SAMD12: variants seen among roughly 807,000 people sequenced by gnomAD.
SAMD12 encodes the protein sterile alpha motif domain containing 12, also known as sterile alpha motif domain-containing protein 12.
SAMD12 carries 9 observed loss-of-function variants against 15.0 expected under a neutral mutation model. That is an observed-to-expected ratio of 0.60 (90% CI 0.36 to 1.05). The LOEUF (loss-of-function observed/expected upper bound fraction) is 1.05. Among genes scored for constraint, SAMD12 ranks in the 50% least tolerant of loss-of-function variants. SAMD12 has a pLI of 0.01. For synonymous variants in SAMD12, 86 were observed against 90.1 expected (o/e 0.96, Z 0.25); for missense variants, 230 against 234.2 (o/e 0.98, Z 0.12).
At chr8:118,619,892 C>A (rs1389939011) in intron 1 of SAMD12, among the ~76,000 whole-genome samples, 2 of 152,066 alleles carry the variant, frequency 1.3e-5, no homozygotes, top group African/African-American at 4.8e-5. Flanking sequence ...AGGGACTGGT[C>A]CAGGCTGATA....
intron 4 of SAMD12, among the ~76,000 whole-genome samples, chr8:118,311,934 G>A (rs904637233): frequency 6.6e-6 from 1 of 152,102 alleles, no homozygotes; most frequent in East Asian, 1.9e-4. Flanking sequence ...CTCACACTCA[G>A]TAGGTCCAAA....
chr8:118,532,371 T>C (rs1434538906), intron 2 of SAMD12, among the ~76,000 whole-genome samples: 1 of 149,266 alleles, frequency 6.7e-6, no homozygotes, highest in Admixed American at 6.8e-5. Context: ...GTATCAATGT[T>C]CATCAGGAAT....
In SAMD12 at chr8:118,229,195, G is replaced by A. The variant is rs183906278; in HGVS notation, c.434-31463C>T. On this transcript the variant is annotated intron_variant, in intron 4 of 4. Coordinates refer to the SAMD12 transcript ENST00000409003. The stretch of plus-strand genomic sequence containing the variant: ...AAATATGGTGCAGTGTATACTGCTT[G>A]GGTGATGGGTGCGCCAAAATCACAA... Among the ~76,000 whole-genome samples, 362 of 152,030 alleles carry A rather than the reference G, an allele frequency of 2.4e-3. 3 individuals are homozygous for A. The highest frequency in any genetic ancestry group is 8.3e-3 in the African/African-American group (345 of 41,476).
intron 1 of SAMD12, among the ~76,000 whole-genome samples, chr8:118,591,449 CAT>C (rs1297642924): frequency 6.6e-6 from 1 of 152,132 alleles, no homozygotes; most frequent in Admixed American, 6.5e-5. Context: ...AGAAATAACA[CAT>C]ATAAAATTCT....
rs547808488 is a variant in SAMD12, at chr8:118,571,726, T to C, written c.192+8989A>G. Among the ~76,000 whole-genome samples the C allele has an allele frequency of 8.9e-4, 136 of 152,028 alleles. 2 individuals are homozygous for C. The highest frequency in any genetic ancestry group is 8.8e-3 in the Admixed American group (135 of 15,274). ...TTTAGAGCCTGCCAGTACACAGGAG[T>C]CAAGAATTGGGGTCTGAGAACCTAG... On this transcript the variant is annotated intron_variant, in intron 2 of 3. Transcript: ENST00000314727.
chr8:118,404,341 TATCTGCAATAA>T (rs1821020267), intron 3 of SAMD12, among the ~76,000 whole-genome samples: 1 of 152,194 alleles, frequency 6.6e-6, no homozygotes, highest in Non-Finnish European at 1.5e-5. Flanking sequence ...TGTGCTTTGA[TATCTGCAATAA>T]TTTTGCAAAA....
intron 4 of SAMD12, among the ~76,000 whole-genome samples, chr8:118,200,871 G>A (rs1819696465): frequency 6.6e-6 from 1 of 152,126 alleles, no homozygotes; most frequent in Admixed American, 6.5e-5. Context: ...TCAGGCTGGG[G>A]TGCAGTGGCA....
chr8:118,573,754 G>A (rs1827080409), intron 2 of SAMD12, among the ~76,000 whole-genome samples: 1 of 152,166 alleles, frequency 6.6e-6, no homozygotes, highest in African/African-American at 2.4e-5. Flanking sequence ...GCTCACTTGT[G>A]GAGGAGCTAA....
At chr8:118,586,900 A>G (rs1827463907) in intron 1 of SAMD12, among the ~76,000 whole-genome samples, 1 of 152,324 alleles carries the variant, frequency 6.6e-6, no homozygotes, top group Middle Eastern at 3.4e-3. Context: ...TGCGTAACAT[A>G]TATTTTTCAA....
chr8:118,387,248 G>A lies in SAMD12; in HGVS notation c.323-7548C>T, dbSNP rs181305340. Reference sequence around the variant, plus strand: ...AAGCATGGGATCACAGCTAACAGGTGTAGATAAATGTCTAGGAAAGCACAA... The same window carrying A: ...AAGCATGGGATCACAGCTAACAGGTATAGATAAATGTCTAGGAAAGCACAA... On this transcript the variant is annotated intron_variant, in intron 3 of 3. Transcript: ENST00000314727. Among the ~76,000 whole-genome samples, 493 of 152,296 alleles carry A rather than the reference G, an allele frequency of 3.2e-3. 5 individuals are homozygous for A. The highest frequency in any genetic ancestry group is 2.2e-3 in the Non-Finnish European group (153 of 68,032).
chr8:118,439,708 G>C, intron 3 of SAMD12, 124 bp downstream of exon 3: 2 of 849,202 alleles, frequency 2.4e-6, no homozygotes, highest in Non-Finnish European at 3.9e-6. Context: ...TCACCCCTTT[G>C]GAAGTAAACC....
At chr8:118,550,190 A>T (rs1046149236) in intron 2 of SAMD12, among the ~76,000 whole-genome samples, 2 of 152,046 alleles carry the variant, frequency 1.3e-5, no homozygotes, top group African/African-American at 2.4e-5. Context: ...CCACAAAGAT[A>T]CTCCTTGAGA....
intron 4 of SAMD12, among the ~76,000 whole-genome samples, chr8:118,318,328 A>G (rs374430414): frequency 0.013 from 985 of 75,942 alleles, 18 homozygotes; most frequent in African/African-American, 0.041. Context: ...ATATATATAT[A>G]TATATATATA....
chr8:118,230,557 T>G (rs1812290682), intron 4 of SAMD12, among the ~76,000 whole-genome samples: 1 of 151,938 alleles, frequency 6.6e-6, no homozygotes, highest in African/African-American at 2.4e-5. Flanking sequence ...AACACACAAT[T>G]TGTGTGACCT....
chr8:118,285,104 T>G (rs1259739547), intron 4 of SAMD12: 1 of 151,364 alleles, frequency 6.6e-6, no homozygotes, highest in Non-Finnish European at 1.5e-5. Context: ...CCATTCAACT[T>G]TTTTTTTTCT....
chr8:118,295,646 AT>A (rs34753693), intron 4 of SAMD12: 3,259 of 134,096 alleles, frequency 0.024, 88 homozygotes, highest in African/African-American at 0.069. Flanking sequence ...GCTGTCACTG[AT>A]TTTTTTTTTT....
intron 1 of SAMD12, 24 bp downstream of exon 1, chr8:118,621,780 A>T: frequency 6.2e-7 from 1 of 1,612,960 alleles, no homozygotes. Flanking sequence ...GAGGGAGCTT[A>T]AAAATGCCCC....
At chr8:118,172,610 T>C in the SAMD12 span, among the ~76,000 whole-genome samples, 1 of 152,228 alleles carries the variant, frequency 6.6e-6, no homozygotes, top group Non-Finnish European at 1.5e-5. Flanking sequence ...GAGGTGTAAT[T>C]GATATATATA....
chr8:118,431,858 C>G (rs1164669521), intron 3 of SAMD12, among the ~76,000 whole-genome samples: 1 of 152,072 alleles, frequency 6.6e-6, no homozygotes, highest in Non-Finnish European at 1.5e-5. Context: ...CTGTCTTCTT[C>G]TTCTGATATT....
Sources: allele counts gnomAD v4.1 joint callset (sites outside exome capture counted in the v4.1 genomes callset), GRCh38; gene constraint gnomAD v4.1.1; transcripts MANE v1.5; gene names NCBI Gene and HGNC (gene_info 2026-07-23, HGNC 2026-07-21).